The following PBX1 variants were observed in gnomAD, a reference collection of about 807,000 sequenced individuals.
PBX1 encodes PBX homeobox 1, also known as pre-B-cell leukemia transcription factor 1.
In PBX1, 6 loss-of-function variants were observed where a neutral mutation model predicts 53.4. The observed-to-expected ratio is 0.11, with a 90% CI of 0.06 to 0.22. PBX1 has a LOEUF of 0.22. PBX1 is among the 10% of genes least tolerant of loss of function. The pLI is 1.00. For synonymous variants in PBX1, 204 were observed against 212.3 expected, an observed-to-expected ratio of 0.96 and a Z score of 0.34; for missense variants, 251 against 551.4, an observed-to-expected ratio of 0.46 and a Z score of 5.46.
chr1:164,870,218 T>TTTCCTTCCTTCCTTCCTTCCTTCCTTCC (rs1553255671), intron 2 of PBX1, among the ~76,000 whole-genome samples: 1 of 55,188 alleles, frequency 1.8e-5, no homozygotes, highest in Admixed American at 2.0e-4. Context: ...CTTTTCTTTC[T>TTTCCTTCCTTCCTTCCTTCCTTCCTTCC]TTCCTTCCTT....
intron 2 of PBX1, among the ~76,000 whole-genome samples, chr1:164,574,230 C>T (rs74476466): frequency 0.017 from 2,650 of 152,244 alleles, 74 homozygotes; most frequent in African/African-American, 0.061. Context: ...CTGAGTGGGC[C>T]GAAGCAGTTC....
At chr1:164,834,831 A>G (rs2102398562) in intron 8 of PBX1, among the ~76,000 whole-genome samples, 1 of 152,358 alleles carries the variant, frequency 6.6e-6, no homozygotes, top group African/African-American at 2.4e-5. Context: ...GCTCTTCTCT[A>G]ATGACCTCTG....
chr1:164,593,855 C>G (rs775435526), intron 2 of PBX1, among the ~76,000 whole-genome samples: 3 of 152,100 alleles, frequency 2.0e-5, no homozygotes, highest in Non-Finnish European at 4.4e-5. Context: ...GAATCTCTTG[C>G]TCTCGAGAGA....
intron 2 of PBX1, among the ~76,000 whole-genome samples, chr1:164,786,165 C>G (rs1668162351): frequency 6.6e-6 from 1 of 152,186 alleles, no homozygotes; most frequent in African/African-American, 2.4e-5. Flanking sequence ...ATCCTTGGAT[C>G]TCACCAGCCC....
At chr1:164,793,771 ACT>A (rs140794238) in intron 3 of PBX1, among the ~76,000 whole-genome samples, 33,909 of 144,560 alleles carry the variant, frequency 0.23, 4,259 homozygotes, top group East Asian at 0.31. Flanking sequence ...CCATTACCCT[ACT>A]CTCATTGAAT....
At chr1:164,824,578 A>G (rs1014428210) in intron 8 of PBX1, among the ~76,000 whole-genome samples, 1 of 152,152 alleles carries the variant, frequency 6.6e-6, no homozygotes, top group African/African-American at 2.4e-5. Context: ...TAGTGAGGAT[A>G]GGTTAGGACA....
At chr1:164,859,446 C>G (rs889105226) in intron 2 of PBX1, among the ~76,000 whole-genome samples, 6 of 152,206 alleles carry the variant, frequency 3.9e-5, no homozygotes, top group Non-Finnish European at 7.3e-5. Flanking sequence ...AGTCAAATCA[C>G]TGCATCTTGA....
intron 2 of PBX1, chr1:164,625,809 TAAA>T (rs200931470): frequency 1.7e-3 from 484 of 287,760 alleles, no homozygotes; most frequent in East Asian, 3.8e-3. Context: ...TGATGGGATT[TAAA>T]AAAAAAAAAA....
At chr1:164,774,331 G>T (rs764377292) in intron 2 of PBX1, 41 of 152,220 alleles carry the variant, frequency 2.7e-4, no homozygotes, top group African/African-American at 8.9e-4. Context: ...TCAAGTTTTC[G>T]AAATGAGAAG....
At chr1:164,611,685 T>G (rs1486499578) in intron 2 of PBX1, among the ~76,000 whole-genome samples, 2 of 152,176 alleles carry the variant, frequency 1.3e-5, no homozygotes, top group Admixed American at 1.3e-4. Flanking sequence ...TTCTTTGCTT[T>G]GAGGCTTGGG....
intron 2 of PBX1, among the ~76,000 whole-genome samples, chr1:164,751,392 C>T (rs1257213035): frequency 6.6e-6 from 1 of 151,726 alleles, no homozygotes. Flanking sequence ...GAGTTTTCCA[C>T]AGGCTTCATG....
chr1:164,603,929 A>ATTTCATTT (rs1656369037), intron 2 of PBX1, among the ~76,000 whole-genome samples: 2 of 75,760 alleles, frequency 2.6e-5, no homozygotes, highest in African/African-American at 1.2e-4. Context: ...ATGTCATTTC[A>ATTTCATTT]TTTTTTTTTT....
intron 8 of PBX1, among the ~76,000 whole-genome samples, chr1:164,844,111 C>CTTTTTTTT (rs1252672438): frequency 8.3e-6 from 1 of 119,932 alleles, no homozygotes; most frequent in African/African-American, 3.3e-5. Flanking sequence ...TTCTTTCTTT[C>CTTTTTTTT]TTTCTTTTTT....
chr1:164,875,637 A>G (rs940433905), intron 2 of PBX1, among the ~76,000 whole-genome samples: 8 of 152,024 alleles, frequency 5.3e-5, no homozygotes, highest in African/African-American at 1.9e-4. Flanking sequence ...CTTGGGCAAA[A>G]ATGGCCAAAC....
chr1:164,600,352 A>G (rs1408015714), intron 2 of PBX1, among the ~76,000 whole-genome samples: 3 of 150,630 alleles, frequency 2.0e-5, no homozygotes, highest in Admixed American at 6.7e-5. Context: ...CCTGGGTTCA[A>G]GTGATTTTCC....
intron 2 of PBX1, among the ~76,000 whole-genome samples, chr1:164,715,296 T>C (rs1404295506): frequency 1.3e-5 from 2 of 152,246 alleles, no homozygotes; most frequent in Non-Finnish European, 2.9e-5. Context: ...ATGATGTCTT[T>C]GGTAGTATAT....
intron 2 of PBX1, among the ~76,000 whole-genome samples, chr1:164,594,676 T>C (rs1553213090): frequency 6.6e-6 from 1 of 152,220 alleles, no homozygotes; most frequent in Non-Finnish European, 1.5e-5. Flanking sequence ...TTTAATAAAA[T>C]ATTTTCCAGT....
chr1:164,751,773 G>A (rs187321763), intron 2 of PBX1, among the ~76,000 whole-genome samples: 1 of 151,236 alleles, frequency 6.6e-6, no homozygotes, highest in Non-Finnish European at 1.5e-5. Context: ...GTAGAGGCAG[G>A]GTTTCACCAT....
chr1:164,679,532 C>T (rs1346129514), intron 2 of PBX1, among the ~76,000 whole-genome samples: 2 of 152,164 alleles, frequency 1.3e-5, no homozygotes, highest in East Asian at 1.9e-4. Context: ...AGACCCCTTT[C>T]GTTTGACCTT....
Sources: allele counts gnomAD v4.1 joint callset (sites outside exome capture counted in the v4.1 genomes callset), GRCh38; gene constraint gnomAD v4.1.1; transcripts MANE v1.5; gene names NCBI Gene and HGNC (gene_info 2026-07-23, HGNC 2026-07-21).